The following TEX14 variants were observed in gnomAD, a reference collection of about 807,000 sequenced individuals.
The protein encoded by TEX14 is inactive serine/threonine-protein kinase TEX14.
In TEX14, 168 loss-of-function variants were observed where a neutral mutation model predicts 178.6. That is an observed-to-expected ratio of 0.94 (90% CI 0.83 to 1.07). The LOEUF is 1.07. Ranked by LOEUF, TEX14 falls within the 50% of genes least tolerant of loss-of-function variation. TEX14 has a pLI of 0.00. For missense variants in TEX14, 1,730 were observed against 1,753.6 expected, an observed-to-expected ratio of 0.99 and a Z score of 0.24; for synonymous variants, 626 against 634.1, an observed-to-expected ratio of 0.99 and a Z score of 0.19.
chr17:58,618,063 A>T (rs1272059888), intron 5 of TEX14, among the ~76,000 whole-genome samples: 1 of 152,226 alleles, frequency 6.6e-6, no homozygotes, highest in Non-Finnish European at 1.5e-5. Context: ...TGAATTGTCC[A>T]TCTTCAGTCA....
At position 58,581,718 on chromosome 17, in the gene TEX14, G is replaced by C. The variant is rs144201297; in HGVS notation, c.3172-1987C>G. 16 of 1,612,064 alleles carry C rather than the reference G, an allele frequency of 9.9e-6. No individual in the cohort carries two copies. In the African/African-American group the frequency reaches 1.9e-4, roughly 19 times the overall value. ...GAAGACTCTGGTGAACAAGTTGATT[G>C]CATGGACTGATGCTATTAATAATGT... is the stretch of plus-strand genomic sequence containing the variant. On this transcript the variant is annotated intron_variant, in intron 19 of 31. Transcript: ENST00000349033.
At chr17:58,593,759 G>A in intron 14 of TEX14, 98 bp from the exon 15 acceptor site, 1 of 979,924 alleles carries the variant, frequency 1.0e-6, no homozygotes, top group East Asian at 2.5e-5. Flanking sequence ...TAAATGTATA[G>A]AAATAACCAG....
At chr17:58,644,715 C>T (rs2046658057) in intron 2 of TEX14, among the ~76,000 whole-genome samples, 1 of 141,284 alleles carries the variant, frequency 7.1e-6, no homozygotes, top group Non-Finnish European at 1.5e-5. Flanking sequence ...GATCTCGGCT[C>T]ACTGCAACCT....
At chr17:58,596,722 G>GA (rs768612308) in intron 14 of TEX14, among the ~76,000 whole-genome samples, 226 of 139,152 alleles carry the variant, frequency 1.6e-3, no homozygotes, top group African/African-American at 2.2e-3. Context: ...CATCTCTATG[G>GA]AAAAAAAAAA....
chr17:58,563,991 AG>A (rs1352476111), intron 28 of TEX14, among the ~76,000 whole-genome samples: 1 of 151,780 alleles, frequency 6.6e-6, no homozygotes, highest in Non-Finnish European at 1.5e-5. Context: ...ACTATATTTA[AG>A]AAAAAAAAAG....
chr17:58,667,768 C>A (rs1472736568), intron 1 of TEX14, among the ~76,000 whole-genome samples: 4 of 151,924 alleles, frequency 2.6e-5, no homozygotes, highest in Non-Finnish European at 4.4e-5. Flanking sequence ...GCCTGTAATC[C>A]CAGCTACTTG....
intron 2 of TEX14, among the ~76,000 whole-genome samples, chr17:58,651,155 T>C (rs1165218159): frequency 6.6e-6 from 1 of 152,202 alleles, no homozygotes; most frequent in Non-Finnish European, 1.5e-5. Flanking sequence ...CTTACGCCTA[T>C]AGTCCCAGTT....
intron 1 of TEX14, among the ~76,000 whole-genome samples, chr17:58,657,280 T>C (rs1407466350): frequency 6.6e-6 from 1 of 151,960 alleles, no homozygotes; most frequent in African/African-American, 2.4e-5. Context: ...CAAATCTGGT[T>C]TTAGAATTCT....
At position 58,599,040 on chromosome 17, in the gene TEX14, T is replaced by G; in HGVS notation, c.2305A>C (p.Met769Leu). ...TCTCTTGAAGTGGCCCATAAAGACA[T>G]GCGCTCTTCCTGTTCCTTCTGTTTC... ...EMKQKEQEER[M>L]SLWATSREFT... is the part of the protein sequence containing the mutation. Residue 769 changes from methionine (M) to leucine (L), a missense_variant, in exon 14 of 32, where the codon ATG (methionine) becomes CTG (leucine). Physicochemically the swap from Met to Leu is conservative, Grantham distance 15. This residue lies in a region of TEX14 where 941 missense variants were observed against 1,072.4 expected (regional missense o/e 0.88). Coordinates refer to ENST00000349033, the MANE Select transcript of TEX14 (RefSeq NM_031272.5). 2 of 1,614,060 alleles carry G rather than the reference T, an allele frequency of 1.2e-6. No homozygotes were observed. The highest frequency in any genetic ancestry group is 2.2e-5 in the East Asian group (1 of 44,868).
At chr17:58,661,862 C>T (rs1464821671) in intron 1 of TEX14, 2 of 378,440 alleles carry the variant, frequency 5.3e-6, no homozygotes, top group Admixed American at 4.3e-5. Flanking sequence ...ATACTGCCTT[C>T]CTGGCTCACA....
chr17:58,629,390 G>T (rs1310951379), intron 3 of TEX14, among the ~76,000 whole-genome samples: 1 of 150,798 alleles, frequency 6.6e-6, no homozygotes, highest in Non-Finnish European at 1.5e-5. Context: ...GGTGGCAGAG[G>T]CTGCAGTGAG....
intron 1 of TEX14, chr17:58,660,432 T>C: frequency 4.4e-6 from 2 of 456,762 alleles, no homozygotes; most frequent in Non-Finnish European, 7.9e-6. Context: ...AATAATAATT[T>C]AACACTTTAT....
In TEX14 at chr17:58,617,545, A is replaced by G. The variant is rs1431186717; in HGVS notation, c.629T>C (p.Phe210Ser). The G allele has an allele frequency of 1.9e-6, 3 of 1,613,638 alleles. No individual in the cohort carries two copies. Among genetic ancestry groups the G allele is most frequent in the Admixed American group, 3.3e-5 (2 of 59,960 alleles). ...TCAGTGGCAACCTCTTACCTTCCCA[A>G]AACCAAAGCTGTAGATATTTTGAGC... is the stretch of plus-strand genomic sequence containing the variant. ...ISAQNIYSFG[F>S]GKFYLTGATQ... The change falls in exon 6 of 32, where the codon TTT (phenylalanine) becomes TCT (serine). Residue 210 changes from phenylalanine to serine, a missense_variant. Transcript: ENST00000349033.
intron 29 of TEX14, among the ~76,000 whole-genome samples, 199 bp from the exon 30 acceptor site, chr17:58,559,761 A>G (rs974594549): frequency 1.3e-5 from 2 of 152,184 alleles, no homozygotes; most frequent in Middle Eastern, 3.2e-3. Flanking sequence ...ATAACTATAT[A>G]AGGTAGTTAC....
In TEX14 at chr17:58,604,996, T is replaced by C. The variant is rs1343120858; in HGVS notation, c.1318A>G (p.Met440Val). 1.9e-6 allele frequency: 3 copies of C among 1,614,202 alleles called. No homozygotes were observed. The highest frequency in any genetic ancestry group is 4.5e-5 in the East Asian group (2 of 44,884). ...KSDIYSFSMI[M>V]QEILTDDIPW... is the part of the protein sequence containing the mutation. ...GATCTACCTGTTAAAATCTCCTGCA[T>C]GATCATAGAAAAGCTGTAGATGTCT... The change falls in exon 11 of 32, where the codon ATG (methionine) becomes GTG (valine). Residue 440 changes from methionine to valine, a missense_variant. Coordinates refer to ENST00000349033, the MANE Select transcript of TEX14 (RefSeq NM_031272.5).
chr17:58,561,632 G>C lies in TEX14; in HGVS notation c.4065-20C>G, dbSNP rs1186804081. On this transcript the variant is annotated intron_variant, in intron 28 of 31. Coordinates refer to ENST00000349033, the MANE Select transcript of TEX14 (RefSeq NM_031272.5). ...TGAGCTCTGTTTAAGGACAAGTGAA[G>C]AGAATGGAGACAACAGTCATTTCCC... 1 of 1,527,640 alleles carries C rather than the reference G, an allele frequency of 6.5e-7. No individual in the cohort carries two copies. Among genetic ancestry groups the C allele is most frequent in the Middle Eastern group, 1.7e-4 (1 of 5,922 alleles). 94.6% of individuals were successfully genotyped at this position (1,527,640 alleles called of 1,614,324 possible).
intron 2 of TEX14, chr17:58,631,560 T>G (rs1286627161): frequency 6.6e-6 from 1 of 151,124 alleles, no homozygotes; most frequent in South Asian, 2.1e-4. Flanking sequence ...AAAACACACA[T>G]CTGGCATAAC....
At chr17:58,617,514 T>C (rs934018160) in intron 6 of TEX14, 24 bp downstream of exon 6, 25 of 1,586,742 alleles carry the variant, frequency 1.6e-5, no homozygotes, top group Non-Finnish European at 2.2e-5. Flanking sequence ...CTGCAAACAC[T>C]GGCTGTCAGT....
At chr17:58,676,987 C>T (rs868259268) in intron 1 of TEX14, among the ~76,000 whole-genome samples, 3 of 151,730 alleles carry the variant, frequency 2.0e-5, no homozygotes, top group Non-Finnish European at 2.9e-5. Context: ...GGTGTTGTGG[C>T]GGGTGCCTGT....
Sources: gnomAD v4.1 joint callset for allele counts (sites outside exome capture counted in the v4.1 genomes callset) on GRCh38, gnomAD v4.1.1 for gene constraint, gnomAD v4.1.1 regional missense constraint, MANE v1.5 for transcripts, NCBI Gene and HGNC (gene_info 2026-07-23, HGNC 2026-07-21) for gene names.